KAT7: variants seen among roughly 807,000 people sequenced by gnomAD.
KAT7 encodes the protein lysine acetyltransferase 7.
In KAT7, 10 loss-of-function variants were observed where a neutral mutation model predicts 82.1. The observed-to-expected ratio is 0.12, with a 90% CI of 0.08 to 0.21. KAT7 has a LOEUF of 0.21. Ranked by LOEUF, KAT7 falls within the 10% of genes least tolerant of loss-of-function variation. The pLI is 1.00. For synonymous variants in KAT7, 250 were observed against 262.5 expected, an observed-to-expected ratio of 0.95 and a Z score of 0.46; for missense variants, 378 against 760.9, an observed-to-expected ratio of 0.50 and a Z score of 5.92.
At position 49,834,744 on chromosome 17, in the gene KAT7, CAG is replaced by C. The variant is rs759455245; in HGVS notation, c.*7245_*7246del. 3 of 152,158 alleles carry C rather than the reference CAG, an allele frequency of 2.0e-5. No homozygotes were observed. Among genetic ancestry groups the C allele is most frequent in the Non-Finnish European group, 4.4e-5 (3 of 68,050 alleles). The allele number at this position is 152,158 out of a possible 1,614,324, so 9.4% of individuals were successfully genotyped here. A position where few individuals can be genotyped will look rare whatever the true frequency, so the allele number is the denominator to read the frequency against. ...TGTGGTCAAATAAATTTGGAAAACA[CAG>C]AGTGTTTCCAAAGTTAGTATCAGGC... On this transcript the variant is annotated 3_prime_UTR_variant, in exon 15 of 15. Transcript: ENST00000259021.
intron 9 of KAT7, 104 bp from the exon 10 acceptor site, chr17:49,821,233 G>C (rs191984414): frequency 1.3e-6 from 1 of 753,454 alleles, no homozygotes; most frequent in Non-Finnish European, 2.2e-6. Context: ...CCAACTGTCC[G>C]GTAGCTCAGT....
intron 12 of KAT7, 57 bp from the exon 13 acceptor site, chr17:49,825,943 T>C: frequency 6.5e-7 from 1 of 1,542,164 alleles, no homozygotes; most frequent in Non-Finnish European, 8.8e-7. Context: ...CACAGTTTTT[T>C]GCTATTAGGA....
intron 4 of KAT7, among the ~76,000 whole-genome samples, chr17:49,800,010 C>CTTTTTTT (rs10694119): frequency 2.0e-5 from 2 of 98,438 alleles, no homozygotes; most frequent in Non-Finnish European, 3.9e-5. Flanking sequence ...GTTTCCTGGC[C>CTTTTTTT]TTTTTTTTTT....
intron 14 of KAT7, chr17:49,827,123 TG>T: frequency 2.1e-6 from 1 of 467,030 alleles, no homozygotes; most frequent in Non-Finnish European, 3.8e-6. Context: ...TCTTCACAAA[TG>T]CTGTCTCAAC....
rs2074306498 is a variant in KAT7, at chr17:49,821,782, T to A, written c.1378T>A (p.Phe460Ile). Residue 460 changes from phenylalanine (F) to isoleucine (I), a missense_variant, in exon 11 of 15, where the codon TTT becomes ATT. By Grantham distance (21) the Phe-to-Ile change is conservative. Around this residue, in one of 6 missense-constraint regions of KAT7, gnomAD observed 20 missense variants for 142.4 expected, o/e 0.14. Coordinates refer to ENST00000259021, the MANE Select transcript of KAT7 (RefSeq NM_007067.5). ...CACTGGCTGTCACCTGATTGGATAT[T>A]TTTCTAAGGTAAGCAGGATCTGGAG... ...DNTGCHLIGY[F>I]SKEKNSFLNY... is the part of the protein sequence containing the mutation. 1 of 1,613,886 alleles carries A rather than the reference T, an allele frequency of 6.2e-7. No individual in the cohort carries two copies. Among genetic ancestry groups the A allele is most frequent in the African/African-American group, 1.3e-5 (1 of 74,886 alleles).
Position 49,805,250 on chromosome 17 carries a change from A to G in KAT7, c.581-113A>G, listed in dbSNP as rs936863432. 13 of 690,560 alleles carry G rather than the reference A, an allele frequency of 1.9e-5. No homozygotes were observed. The African/African-American group carries it at 2.1e-4, about 11-fold the overall frequency. The allele number at this position is 690,560 out of a possible 1,614,324, so 42.8% of individuals were successfully genotyped here. On this transcript the variant is annotated intron_variant, in intron 4 of 14. Transcript: ENST00000259021. Reference sequence around the variant, plus strand: ...TATGTTTGGTGGATTCAGTCTGATCAGACATATATTTGATAAAAATGATGT... The same window carrying G: ...TATGTTTGGTGGATTCAGTCTGATCGGACATATATTTGATAAAAATGATGT...
intron 2 of KAT7, among the ~76,000 whole-genome samples, chr17:49,794,068 G>C (rs2073923217): frequency 6.6e-6 from 1 of 152,082 alleles, no homozygotes; most frequent in Non-Finnish European, 1.5e-5. Flanking sequence ...TGGATAAATA[G>C]CTACTATAAC....
At chr17:49,826,519 T>C in intron 13 of KAT7, 174 bp from the exon 14 acceptor site, 1 of 574,648 alleles carries the variant, frequency 1.7e-6, no homozygotes, top group Non-Finnish European at 3.1e-6. Context: ...TATCCTTTTG[T>C]GGTTATTTGG....
In KAT7 at chr17:49,809,155, A is replaced by G. The variant is rs1274703179; in HGVS notation, c.700A>G (p.Arg234Gly). 1 of 1,614,194 alleles carries G rather than the reference A, an allele frequency of 6.2e-7. No homozygotes were observed. The highest frequency in any genetic ancestry group is 1.7e-5 in the Admixed American group (1 of 60,026). The change falls in exon 6 of 15, where the codon AGG becomes GGG. Residue 234 changes from arginine to glycine, a missense_variant. Coordinates refer to ENST00000259021, the MANE Select transcript of KAT7 (RefSeq NM_007067.5). ...AQSRDKQIEE[R>G]MLSHRQDDNN... ...GAGCCGGGATAAGCAGATAGAAGAA[A>G]GGATGCTGTCTCACAGGCAAGATGA...
At chr17:49,814,736 C>T (rs570724607) in intron 7 of KAT7, among the ~76,000 whole-genome samples, 22 of 151,412 alleles carry the variant, frequency 1.5e-4, no homozygotes, top group Non-Finnish European at 2.4e-4. Flanking sequence ...CAGTGTTCCT[C>T]AAAATAGAAG....
At chr17:49,807,816 T>A (rs373383212) in intron 5 of KAT7, among the ~76,000 whole-genome samples, 2 of 152,296 alleles carry the variant, frequency 1.3e-5, no homozygotes, top group South Asian at 4.1e-4. Context: ...CTGATTGATT[T>A]GATGTGAGGT....
chr17:49,794,718 C>T (rs1374711881), intron 2 of KAT7, among the ~76,000 whole-genome samples: 2 of 152,208 alleles, frequency 1.3e-5, no homozygotes, highest in Admixed American at 6.5e-5. Context: ...ATTGACCATG[C>T]CCTAGACACC....
intron 4 of KAT7, among the ~76,000 whole-genome samples, chr17:49,802,623 G>A (rs2074038442): frequency 6.6e-6 from 1 of 150,474 alleles, no homozygotes. Context: ...GCTGAGATTG[G>A]CCATTGCACT....
intron 4 of KAT7, among the ~76,000 whole-genome samples, chr17:49,804,366 G>A (rs1447760707): frequency 5.3e-5 from 8 of 150,074 alleles, no homozygotes; most frequent in South Asian, 2.1e-4. Flanking sequence ...GCAACAGAGC[G>A]AGACTCCGTC....
intron 7 of KAT7, among the ~76,000 whole-genome samples, chr17:49,812,852 A>C (rs2074185432): frequency 6.6e-6 from 1 of 151,306 alleles, no homozygotes; most frequent in African/African-American, 2.4e-5. Flanking sequence ...ACAGGCGCCC[A>C]CCACCACACC....
intron 7 of KAT7, among the ~76,000 whole-genome samples, chr17:49,813,904 C>G (rs1234461440): frequency 6.7e-6 from 1 of 149,444 alleles, no homozygotes; most frequent in African/African-American, 2.5e-5. Flanking sequence ...GTTTTTGAGA[C>G]AGAGTCTCAC....
intron 4 of KAT7, among the ~76,000 whole-genome samples, chr17:49,803,218 C>T (rs1452172354): frequency 6.6e-6 from 1 of 151,702 alleles, no homozygotes; most frequent in Non-Finnish European, 1.5e-5. Context: ...AAGCGATTTG[C>T]CTGCCTCAGC....
At chr17:49,794,762 C>T (rs555457574) in intron 2 of KAT7, among the ~76,000 whole-genome samples, 5 of 152,206 alleles carry the variant, frequency 3.3e-5, no homozygotes, top group African/African-American at 4.8e-5. Context: ...CTAGGAAATG[C>T]GTAAGCACTG....
At chr17:49,788,997 A>G (rs1265689079) in intron 1 of KAT7, 148 bp downstream of exon 1, 3 of 653,396 alleles carry the variant, frequency 4.6e-6, no homozygotes, top group Non-Finnish European at 7.2e-6. Context: ...TCCATACCCA[A>G]CAGAAAAATG....
Sources: gnomAD v4.1 joint callset for allele counts (sites outside exome capture counted in the v4.1 genomes callset) on GRCh38, gnomAD v4.1.1 for gene constraint, gnomAD v4.1.1 regional missense constraint, MANE v1.5 for transcripts, NCBI Gene and HGNC (gene_info 2026-07-23, HGNC 2026-07-21) for gene names.